RBMS1: variants seen among roughly 807,000 people sequenced by gnomAD.
RBMS1 encodes RNA binding motif single stranded interacting protein 1.
A neutral mutation model predicts 62.3 loss-of-function variants in RBMS1; 17 were observed. The observed-to-expected ratio is 0.27, with a 90% CI of 0.19 to 0.41. The LOEUF (loss-of-function observed/expected upper bound fraction) is 0.41. Among genes scored for constraint, RBMS1 ranks in the 10% least tolerant of loss-of-function variants. The pLI, the probability that RBMS1 is intolerant of heterozygous loss-of-function variation, is 1.00. For missense variants in RBMS1, 334 were observed against 504.5 expected, an observed-to-expected ratio of 0.66 and a Z score of 3.24; for synonymous variants, 172 against 170.0, an observed-to-expected ratio of 1.01 and a Z score of -0.09.
chr2:160,280,479 T>C (rs716615), intron 10 of RBMS1, among the ~76,000 whole-genome samples: 49,066 of 152,108 alleles, frequency 0.32, 8,175 homozygotes, highest in East Asian at 0.53. Flanking sequence ...AGTATCCACT[T>C]TAAAAGGTAT....
At chr2:160,478,762 G>A (rs1007871104) in intron 1 of RBMS1, among the ~76,000 whole-genome samples, 2 of 152,200 alleles carry the variant, frequency 1.3e-5, no homozygotes, top group African/African-American at 4.8e-5. Flanking sequence ...CAAACAGCAC[G>A]AGGGAAAAGC....
At chr2:160,411,473 C>A (rs1696033901) in intron 1 of RBMS1, among the ~76,000 whole-genome samples, 1 of 152,174 alleles carries the variant, frequency 6.6e-6, no homozygotes, top group African/African-American at 2.4e-5. Flanking sequence ...CCTAGAGCTG[C>A]TTTGGCTCTT....
intron 1 of RBMS1, among the ~76,000 whole-genome samples, chr2:160,492,377 TA>T (rs1043389709): frequency 2.0e-5 from 3 of 152,134 alleles, no homozygotes; most frequent in Non-Finnish European, 4.4e-5. Flanking sequence ...ATAGGCCCAC[TA>T]ACAAAGTACC....
intron 4 of RBMS1, among the ~76,000 whole-genome samples, chr2:160,311,344 G>A (rs1275545420): frequency 2.7e-5 from 4 of 149,722 alleles, no homozygotes; most frequent in African/African-American, 9.8e-5. Flanking sequence ...AATATTAAAT[G>A]GCAACGGCTA....
intron 2 of RBMS1, among the ~76,000 whole-genome samples, chr2:160,333,739 T>C (rs1344998413): frequency 6.6e-6 from 1 of 152,158 alleles, no homozygotes. Context: ...TAAGCACTTC[T>C]AGGTCCATTA....
At chr2:160,398,687 A>G (rs1290201882) in intron 1 of RBMS1, among the ~76,000 whole-genome samples, 4 of 152,106 alleles carry the variant, frequency 2.6e-5, no homozygotes, top group Admixed American at 6.5e-5. Context: ...TAATAATAAT[A>G]ATGATGATGA....
At chr2:160,479,937 T>C (rs769696998) in intron 1 of RBMS1, among the ~76,000 whole-genome samples, 3 of 152,142 alleles carry the variant, frequency 2.0e-5, no homozygotes, top group Non-Finnish European at 2.9e-5. Flanking sequence ...TAGCTGAATA[T>C]GGCAATAATC....
intron 2 of RBMS1, among the ~76,000 whole-genome samples, chr2:160,365,584 C>A (rs1363166315): frequency 2.0e-5 from 3 of 152,158 alleles, no homozygotes; most frequent in African/African-American, 7.2e-5. Context: ...TAAAACATGG[C>A]ATTACTCCAG....
At chr2:160,483,034 A>G (rs1343403376) in intron 1 of RBMS1, among the ~76,000 whole-genome samples, 1 of 151,836 alleles carries the variant, frequency 6.6e-6, no homozygotes, top group Non-Finnish European at 1.5e-5. Flanking sequence ...GATATCACCC[A>G]CTGTCATTTT....
intron 3 of RBMS1, 138 bp from the exon 4 acceptor site, chr2:160,313,385 G>T: frequency 1.4e-6 from 1 of 720,894 alleles, no homozygotes; most frequent in Non-Finnish European, 2.2e-6. Flanking sequence ...GTTAACAGCT[G>T]CAGGCCAGTG....
At chr2:160,438,126 C>G (rs1464771207) in intron 1 of RBMS1, among the ~76,000 whole-genome samples, 4 of 152,184 alleles carry the variant, frequency 2.6e-5, no homozygotes, top group Admixed American at 6.5e-5. Flanking sequence ...TTTTTCTTTT[C>G]AGTAGCACTG....
intron 1 of RBMS1, among the ~76,000 whole-genome samples, chr2:160,477,386 T>C (rs1685190418): frequency 6.6e-6 from 1 of 152,188 alleles, no homozygotes; most frequent in Non-Finnish European, 1.5e-5. Context: ...AAAAATTTTA[T>C]ATACTTGCTT....
At chr2:160,483,312 CTGCT>C (rs1346269259) in intron 1 of RBMS1, among the ~76,000 whole-genome samples, 2 of 152,018 alleles carry the variant, frequency 1.3e-5, no homozygotes, top group Non-Finnish European at 2.9e-5. Flanking sequence ...AAAATGTAAA[CTGCT>C]TGCTATTTGA....
intron 1 of RBMS1, among the ~76,000 whole-genome samples, chr2:160,445,043 A>G (rs550254222): frequency 1.3e-5 from 2 of 152,304 alleles, no homozygotes; most frequent in Admixed American, 6.5e-5. Flanking sequence ...TTCCCTTCCC[A>G]GAGACTTCCA....
intron 1 of RBMS1, among the ~76,000 whole-genome samples, chr2:160,412,900 C>T (rs576165029): frequency 1.3e-5 from 2 of 152,290 alleles, no homozygotes; most frequent in Admixed American, 6.5e-5. Flanking sequence ...GAAGGTGAGG[C>T]GTCCTAGAGG....
chr2:160,374,242 G>A (rs532101021), intron 1 of RBMS1, among the ~76,000 whole-genome samples: 2 of 152,202 alleles, frequency 1.3e-5, no homozygotes, highest in African/African-American at 2.4e-5. Context: ...GTAACAGAGC[G>A]AGACCTTGTC....
chr2:160,456,644 A>G (rs1029371209), intron 1 of RBMS1, among the ~76,000 whole-genome samples: 3 of 152,202 alleles, frequency 2.0e-5, no homozygotes, highest in African/African-American at 7.2e-5. Flanking sequence ...AGCTGCTAAG[A>G]TATGTAAGGA....
At chr2:160,370,891 A>G (rs1191255424) in intron 1 of RBMS1, among the ~76,000 whole-genome samples, 3 of 151,758 alleles carry the variant, frequency 2.0e-5, no homozygotes, top group Non-Finnish European at 2.9e-5. Flanking sequence ...GGTGCCTTTA[A>G]GTTGACTTAA....
intron 1 of RBMS1, among the ~76,000 whole-genome samples, chr2:160,478,931 G>GA (rs1196461108): frequency 6.6e-6 from 1 of 152,148 alleles, no homozygotes. Context: ...ATAGCGCAGG[G>GA]AAAAAAACAG....
Sources: allele counts gnomAD v4.1 joint callset (sites outside exome capture counted in the v4.1 genomes callset), GRCh38; gene constraint gnomAD v4.1.1; transcripts MANE v1.5; gene names NCBI Gene and HGNC (gene_info 2026-07-23, HGNC 2026-07-21).